Variants in ELAVL1 observed in about 807,000 individuals in gnomAD.
ELAVL1 encodes ELAV like RNA binding protein 1, also known as ELAV-like protein 1.
In ELAVL1, 1 loss-of-function variant was observed where a neutral mutation model predicts 28.4. That is an observed-to-expected ratio of 0.04 (90% CI 0.01 to 0.17). ELAVL1 has a LOEUF of 0.17. Ranked by LOEUF, ELAVL1 falls within the 10% of genes least tolerant of loss-of-function variation. The probability of loss-of-function intolerance (pLI) is 1.00; values close to 1 mark genes in which losing one functional copy is unlikely to be tolerated. For synonymous variants in ELAVL1, 174 were observed against 183.5 expected (o/e 0.95, Z 0.42); for missense variants, 157 against 447.2 (o/e 0.35, Z 5.85).
chr19:7,967,485 G>A (rs977350335), intron 5 of ELAVL1, 80 bp downstream of exon 5: 137 of 1,459,468 alleles, frequency 9.4e-5, no homozygotes, highest in Middle Eastern at 4.9e-4. Flanking sequence ...TCATCCCCGT[G>A]GTTTCTATTC....
intron 1 of ELAVL1, chr19:8,002,135 A>G: frequency 7.8e-7 from 1 of 1,289,218 alleles, no homozygotes; most frequent in Non-Finnish European, 1.0e-6. Flanking sequence ...TCTTGTCCCT[A>G]AAGAACCCAC....
chr19:7,987,448 T>C (rs956107894), intron 2 of ELAVL1, among the ~76,000 whole-genome samples: 1 of 152,144 alleles, frequency 6.6e-6, no homozygotes. Flanking sequence ...GTGGCCTCCT[T>C]AGCTGGTGTT....
intron 4 of ELAVL1, among the ~76,000 whole-genome samples, chr19:7,968,751 G>A (rs1196924897): frequency 6.6e-6 from 1 of 152,270 alleles, no homozygotes; most frequent in African/African-American, 2.4e-5. Flanking sequence ...GAGCAAGGCG[G>A]GTGGAAGGAG....
At chr19:7,991,618 T>C in intron 2 of ELAVL1, 26 bp downstream of exon 2, 5 of 1,597,354 alleles carry the variant, frequency 3.1e-6, no homozygotes, top group Non-Finnish European at 3.4e-6. Context: ...AATACCCGGT[T>C]TACTAAAACG....
At chr19:7,996,896 T>C (rs2081051206) in intron 1 of ELAVL1, among the ~76,000 whole-genome samples, 1 of 152,020 alleles carries the variant, frequency 6.6e-6, no homozygotes, top group South Asian at 2.1e-4. Context: ...CCAAAGAATA[T>C]ATATGGATGG....
intron 3 of ELAVL1, among the ~76,000 whole-genome samples, chr19:7,980,738 G>A (rs1376039199): frequency 6.6e-6 from 1 of 152,224 alleles, no homozygotes; most frequent in Admixed American, 6.5e-5. Context: ...GAGGTGCTGG[G>A]TGAGGGAAGG....
At chr19:7,971,030 C>T (rs1403517637) in intron 4 of ELAVL1, among the ~76,000 whole-genome samples, 3 of 152,208 alleles carry the variant, frequency 2.0e-5, no homozygotes, top group Non-Finnish European at 2.9e-5. Flanking sequence ...CCGGGAGACC[C>T]TCCTGGCTCC....
chr19:7,963,917 G>A lies in ELAVL1; in HGVS notation c.657-110C>T, dbSNP rs561100951. ...GCCGCTGGGCCCCATCCCGCTCTGC[G>A]CAGCCACGAGGTGCTCACGGTTGAG... is the stretch of plus-strand genomic sequence containing the variant. On this transcript the variant is annotated intron_variant, in intron 5 of 5. Coordinates refer to ENST00000407627, the MANE Select transcript of ELAVL1 (RefSeq NM_001419.3). The surrounding 1 kb of genome is among the most constrained non-coding windows in gnomAD (Gnocchi z 4.5). The A allele has an allele frequency of 2.2e-5, 27 of 1,254,838 alleles. No individual in the cohort carries two copies. Among genetic ancestry groups the A allele is most frequent in the African/African-American group, 2.1e-4 (14 of 66,438 alleles). The allele number at this position is 1,254,838 out of a possible 1,614,324, so 77.7% of individuals were successfully genotyped here. A position where few individuals can be genotyped will look rare whatever the true frequency, so the allele number is the denominator to read the frequency against.
intron 5 of ELAVL1, among the ~76,000 whole-genome samples, chr19:7,966,087 G>A (rs536680983): frequency 3.9e-5 from 6 of 152,244 alleles, no homozygotes; most frequent in African/African-American, 1.2e-4. Flanking sequence ...ATCCCAGTAC[G>A]TTGGGAGGCT....
At chr19:7,999,139 G>A (rs1232873992) in intron 1 of ELAVL1, among the ~76,000 whole-genome samples, 2 of 152,230 alleles carry the variant, frequency 1.3e-5, no homozygotes, top group Non-Finnish European at 1.5e-5. Flanking sequence ...GTGGGAGGCC[G>A]AGGTAGGCGG....
At chr19:7,968,584 A>C (rs1985019550) in intron 4 of ELAVL1, among the ~76,000 whole-genome samples, 1 of 152,248 alleles carries the variant, frequency 6.6e-6, no homozygotes, top group Non-Finnish European at 1.5e-5. Context: ...CCAGCAGCCA[A>C]GCCCAGAGGG....
At position 7,959,740 on chromosome 19, in the gene ELAVL1, A is replaced by C. The variant is rs1005306755; in HGVS notation, c.*3743T>G. ...GCCAATTGCCAATGCCACTTAAAAGAAAGCACTTGTGACTTCAGGGCTGTC... is the reference window on the plus strand; with the variant it reads ...GCCAATTGCCAATGCCACTTAAAAGCAAGCACTTGTGACTTCAGGGCTGTC... On this transcript the variant is annotated 3_prime_UTR_variant, in exon 6 of 6. Transcript: ENST00000407627. 4 of 152,220 alleles carry C rather than the reference A, an allele frequency of 2.6e-5. No homozygotes were observed. The highest frequency in any genetic ancestry group is 9.6e-5 in the African/African-American group (4 of 41,462). 9.4% of individuals were successfully genotyped at this position (152,220 alleles called of 1,614,324 possible).
In ELAVL1 at chr19:7,982,840, G is replaced by A. The variant is rs999505590; in HGVS notation, c.173-1654C>T. Among the ~76,000 whole-genome samples the A allele has an allele frequency of 2.0e-5, 3 of 152,162 alleles. No homozygotes were observed. The highest frequency in any genetic ancestry group is 4.4e-5 in the Non-Finnish European group (3 of 68,038). On this transcript the variant is annotated intron_variant, in intron 2 of 5. Transcript: ENST00000407627. This position sits in a 1 kb window ranked among gnomAD's most constrained non-coding sequence, Gnocchi z 4.3. ...ACTGTGACGGTTTTGAGGACTGGTC[G>A]GACATCCCGTAGACTCTCGATTGGG...
chr19:7,996,372 G>A (rs555003652), intron 1 of ELAVL1, among the ~76,000 whole-genome samples: 18 of 151,834 alleles, frequency 1.2e-4, no homozygotes, highest in African/African-American at 3.9e-4. Flanking sequence ...TAGTAGAGAC[G>A]GGGTTTCACC....
At chr19:7,986,431 GA>G (rs1186979069) in intron 2 of ELAVL1, among the ~76,000 whole-genome samples, 1 of 152,234 alleles carries the variant, frequency 6.6e-6, no homozygotes, top group Non-Finnish European at 1.5e-5. Context: ...TAGAAACAGT[GA>G]TGAACTTCAC....
At chr19:7,973,963 G>A in intron 3 of ELAVL1, 85 bp from the exon 4 acceptor site, 6 of 1,512,276 alleles carry the variant, frequency 4.0e-6, no homozygotes, top group Non-Finnish European at 5.4e-6. Context: ...GTTAGGAAAA[G>A]CCAACACTGT....
chr19:7,964,486 C>T (rs1984899967), intron 5 of ELAVL1, among the ~76,000 whole-genome samples: 3 of 152,142 alleles, frequency 2.0e-5, no homozygotes, highest in Admixed American at 2.0e-4. Flanking sequence ...GCTCACCAAA[C>T]TTGACCACAC....
At chr19:7,978,461 A>C (rs1216691055) in intron 3 of ELAVL1, among the ~76,000 whole-genome samples, 1 of 152,178 alleles carries the variant, frequency 6.6e-6, no homozygotes, top group Non-Finnish European at 1.5e-5. Context: ...TAATGAGCCC[A>C]GTAAACACGG....
rs73923952 is a variant in ELAVL1, at chr19:7,979,555, G to A, written c.276+1528C>T. On this transcript the variant is annotated intron_variant, in intron 3 of 5. Coordinates refer to ENST00000407627, the MANE Select transcript of ELAVL1 (RefSeq NM_001419.3). The surrounding 1 kb of genome is among the most constrained non-coding windows in gnomAD (Gnocchi z 5.4). ...TCACACATTTTCTAAATAGGGGAGA[G>A]AATTCCTAGATGGGGAGTCCAGGGC... is the stretch of plus-strand genomic sequence containing the variant. Among the ~76,000 whole-genome samples the A allele has an allele frequency of 0.024, 3,632 of 152,344 alleles. 136 individuals are homozygous for A. The highest frequency in any genetic ancestry group is 0.08 in the African/African-American group (3,337 of 41,562).
Sources: allele counts gnomAD v4.1 joint callset (sites outside exome capture counted in the v4.1 genomes callset), GRCh38; gene constraint gnomAD v4.1.1; non-coding constraint Gnocchi (gnomAD v3.1); transcripts MANE v1.5; gene names NCBI Gene and HGNC (gene_info 2026-07-23, HGNC 2026-07-21).